Variants in INSL6 observed in about 807,000 individuals in gnomAD.
The protein encoded by INSL6 is insulin-like peptide INSL6.
A neutral mutation model predicts 9.4 loss-of-function variants in INSL6; 16 were observed. That is an observed-to-expected ratio of 1.70 (90% CI 1.15 to 2.59). INSL6 has a LOEUF of 2.59. Among genes scored for constraint, INSL6 ranks in the 30% most tolerant of loss-of-function variants. INSL6 has a pLI of 0.00. For missense variants in INSL6, 391 were observed against 257.3 expected, an observed-to-expected ratio of 1.52 and a Z score of -3.56; for synonymous variants, 154 against 96.9, an observed-to-expected ratio of 1.59 and a Z score of -3.46.
the INSL6 span, among the ~76,000 whole-genome samples, chr9:5,090,136 A>G: frequency 6.6e-6 from 1 of 152,248 alleles, no homozygotes; most frequent in Non-Finnish European, 1.5e-5. Flanking sequence ...TTCTATAAAA[A>G]TATTTTTGAA....
At chr9:5,080,977 G>A in the INSL6 span, among the ~76,000 whole-genome samples, 3 of 141,098 alleles carry the variant, frequency 2.1e-5, no homozygotes, top group Non-Finnish European at 3.0e-5. Context: ...CTCACTGCAA[G>A]CTCCACCTCC....
At chr9:5,098,265 T>A in the INSL6 span, 2 of 152,160 alleles carry the variant, frequency 1.3e-5, no homozygotes, top group African/African-American at 4.8e-5. Context: ...CTCTGTGACT[T>A]TCTCGATAAG....
chr9:5,020,640 C>G, the INSL6 span, among the ~76,000 whole-genome samples: 1 of 152,120 alleles, frequency 6.6e-6, no homozygotes, highest in Admixed American at 6.5e-5. Context: ...TGCAAATTTG[C>G]ATTTTGACAC....
chr9:5,073,693 C>G, the INSL6 span: 1 of 1,593,366 alleles, frequency 6.3e-7, no homozygotes. Flanking sequence ...TTTTTTTTTC[C>G]TTAGTCTTTC....
the INSL6 span, among the ~76,000 whole-genome samples, chr9:4,998,752 A>C: frequency 7.3e-5 from 11 of 150,750 alleles, no homozygotes; most frequent in Middle Eastern, 3.4e-3. Context: ...AAAAAAAAAA[A>C]CAACAAAAAA....
the INSL6 span, among the ~76,000 whole-genome samples, chr9:4,996,674 TA>T: frequency 0.23 from 34,455 of 151,070 alleles, 4,388 homozygotes; most frequent in Middle Eastern, 0.36. Flanking sequence ...CCTGTCTTGT[TA>T]AAAAAAAATT....
chr9:5,085,906 C>A, the INSL6 span: 2 of 931,632 alleles, frequency 2.1e-6, no homozygotes, highest in Non-Finnish European at 1.8e-6. Context: ...TTTCTAATAC[C>A]CTCATACAGA....
chr9:5,001,888 T>G, the INSL6 span, among the ~76,000 whole-genome samples: 1 of 152,052 alleles, frequency 6.6e-6, no homozygotes, highest in African/African-American at 2.4e-5. Flanking sequence ...TGTTTCTTCC[T>G]ATGTCAGTTT....
At chr9:5,078,491 G>A in the INSL6 span, 2 of 1,493,412 alleles carry the variant, frequency 1.3e-6, no homozygotes, top group Non-Finnish European at 9.2e-7. Flanking sequence ...CTTTACTTGG[G>A]CAGTGGTGTA....
the INSL6 span, among the ~76,000 whole-genome samples, chr9:5,053,852 A>C: frequency 6.6e-6 from 1 of 152,052 alleles, no homozygotes; most frequent in Non-Finnish European, 1.5e-5. Context: ...GCCTTGTCGA[A>C]TGAGTAACTA....
intron 1 of INSL6, among the ~76,000 whole-genome samples, chr9:5,181,636 T>C (rs1467335715): frequency 6.6e-6 from 1 of 152,206 alleles, no homozygotes; most frequent in Non-Finnish European, 1.5e-5. Context: ...TAAGGCTTTC[T>C]GTCAAGCAAC....
At chr9:5,112,706 C>CT in the INSL6 span, 1 of 856,418 alleles carries the variant, frequency 1.2e-6, no homozygotes. Flanking sequence ...GCAGCAAGTG[C>CT]GAGAGCGGAA....
At chr9:5,055,911 C>G in the INSL6 span, 1 of 818,636 alleles carries the variant, frequency 1.2e-6, no homozygotes, top group Non-Finnish European at 1.9e-6. Flanking sequence ...AAATATAACT[C>G]TAAACATCAG....
chr9:5,129,355 T>C (rs1468836255), intron 3 of INSL6, among the ~76,000 whole-genome samples: 1 of 152,138 alleles, frequency 6.6e-6, no homozygotes, highest in Non-Finnish European at 1.5e-5. Context: ...TTTAGGGATG[T>C]TGTGATAGCT....
At chr9:5,160,407 G>A (rs913894817), downstream of INSL6, among the ~76,000 whole-genome samples, 4 of 151,916 alleles carry the variant, frequency 2.6e-5, no homozygotes, top group Non-Finnish European at 4.4e-5. Flanking sequence ...CAAAAATAAC[G>A]GAAACACAAC....
At chr9:5,021,484 G>A in the INSL6 span, among the ~76,000 whole-genome samples, 2 of 152,200 alleles carry the variant, frequency 1.3e-5, no homozygotes, top group African/African-American at 4.8e-5. Flanking sequence ...TAAAATGTAT[G>A]ATTTCTTGCA....
the INSL6 span, among the ~76,000 whole-genome samples, chr9:5,030,820 G>A: frequency 6.6e-6 from 1 of 151,928 alleles, no homozygotes; most frequent in African/African-American, 2.4e-5. Flanking sequence ...ATTTACTGAT[G>A]TCTAATGTAT....
chr9:5,096,059 C>T, the INSL6 span, among the ~76,000 whole-genome samples: 2 of 152,124 alleles, frequency 1.3e-5, no homozygotes, highest in Non-Finnish European at 2.9e-5. Flanking sequence ...CTTATTACCC[C>T]AACCATTATA....
At chr9:5,073,373 C>G in the INSL6 span, among the ~76,000 whole-genome samples, 1 of 152,160 alleles carries the variant, frequency 6.6e-6, no homozygotes, top group Non-Finnish European at 1.5e-5. Context: ...CTATATCTAT[C>G]TCTGACATCT....
Sources: allele counts gnomAD v4.1 joint callset (sites outside exome capture counted in the v4.1 genomes callset), GRCh38; gene constraint gnomAD v4.1.1; transcripts MANE v1.5; gene names NCBI Gene and HGNC (gene_info 2026-07-23, HGNC 2026-07-21).